The following PIKFYVE variants were observed in gnomAD, a reference collection of about 807,000 sequenced individuals.
PIKFYVE encodes the protein phosphoinositide kinase, FYVE-type zinc finger containing, also known as 1-phosphatidylinositol 3-phosphate 5-kinase.
In PIKFYVE, 122 loss-of-function variants were observed where a neutral mutation model predicts 257.9. The observed-to-expected ratio is 0.47, with a 90% confidence interval of 0.41 to 0.55. The LOEUF is 0.55. PIKFYVE is among the 20% of genes least tolerant of loss of function. The probability of loss-of-function intolerance (pLI) is 0.00; values close to 1 mark genes in which losing one functional copy is unlikely to be tolerated. For missense variants in PIKFYVE, 2,160 were observed against 2,536.6 expected (o/e 0.85, Z 3.19); for synonymous variants, 892 against 868.9 (o/e 1.03, Z -0.47).
At chr2:208,318,089 A>G (rs1695763320) in intron 16 of PIKFYVE, 148 bp downstream of exon 16, 1 of 797,108 alleles carries the variant, frequency 1.3e-6, no homozygotes, top group African/African-American at 1.7e-5. Flanking sequence ...TGGTTGGTTC[A>G]GGGAAGATTT....
chr2:208,266,585 G>A (rs972812182), intron 1 of PIKFYVE, among the ~76,000 whole-genome samples, 170 bp downstream of exon 1: 1 of 152,250 alleles, frequency 6.6e-6, no homozygotes, highest in Non-Finnish European at 1.5e-5. Flanking sequence ...TCTGGCTTTA[G>A]AATTAGCTTG....
At chr2:208,286,159 T>C (rs1044552876) in intron 6 of PIKFYVE, among the ~76,000 whole-genome samples, 6 of 152,220 alleles carry the variant, frequency 3.9e-5, no homozygotes, top group African/African-American at 1.4e-4. Context: ...TTTACATCTT[T>C]CTTGTCACTG....
intron 18 of PIKFYVE, 68 bp from the exon 19 acceptor site, chr2:208,324,843 C>A: frequency 6.4e-7 from 1 of 1,554,868 alleles, no homozygotes; most frequent in South Asian, 1.1e-5. Flanking sequence ...CATTACTTTT[C>A]CAGATTAAAT....
rs944207916 is a variant in PIKFYVE at position 208,339,609 on chromosome 2, T to C, written c.4810+54T>C. ...TCATTGTATCTAAGACTGAAAGATA[T>C]ATCATTGATTTACATGAATTACAGC... is the stretch of plus-strand genomic sequence containing the variant. On this transcript the variant is annotated intron_variant, in intron 30 of 41. Transcript: ENST00000264380. The C allele has an allele frequency of 6.3e-6, 10 of 1,592,118 alleles. No individual in the cohort carries two copies. The East Asian group carries it at 9.0e-5, about 14-fold the overall frequency.
At chr2:208,272,554 A>C (rs1223965684) in intron 2 of PIKFYVE, among the ~76,000 whole-genome samples, 2 of 152,210 alleles carry the variant, frequency 1.3e-5, no homozygotes, top group Non-Finnish European at 2.9e-5. Context: ...GCTCTTTTTA[A>C]GTAATATGTC....
At chr2:208,316,471 G>A (rs1179022926) in intron 15 of PIKFYVE, among the ~76,000 whole-genome samples, 1 of 151,844 alleles carries the variant, frequency 6.6e-6, no homozygotes. Context: ...CACAATGGTT[G>A]AACTAGTTTA....
intron 8 of PIKFYVE, among the ~76,000 whole-genome samples, chr2:208,299,244 G>A (rs778040929): frequency 1.5e-4 from 23 of 152,076 alleles, no homozygotes; most frequent in Non-Finnish European, 3.4e-4. Context: ...GATGGGTCAA[G>A]TATTCTATAC....
chr2:208,347,472 G>A (rs2125780240), intron 34 of PIKFYVE, among the ~76,000 whole-genome samples: 1 of 152,190 alleles, frequency 6.6e-6, no homozygotes, highest in African/African-American at 2.4e-5. Flanking sequence ...TGTTCATTTA[G>A]TTAACTATAT....
chr2:208,283,064 G>A (rs1691045872), intron 5 of PIKFYVE, among the ~76,000 whole-genome samples: 1 of 152,114 alleles, frequency 6.6e-6, no homozygotes, highest in Non-Finnish European at 1.5e-5. Flanking sequence ...CTCCTGCTGT[G>A]CGGCTCGGTT....
At chr2:208,334,006 G>A (rs1697850907) in intron 24 of PIKFYVE, among the ~76,000 whole-genome samples, 2 of 152,162 alleles carry the variant, frequency 1.3e-5, no homozygotes, top group South Asian at 4.1e-4. Context: ...CAGAATTTTT[G>A]CCAAGATATT....
Position 208,355,743 on chromosome 2 carries a change from T to C in PIKFYVE, c.*438T>C, listed in dbSNP as rs1351086030. 6.5e-6 allele frequency: 1 copy of C among 153,924 alleles called. No homozygotes were observed. The highest frequency in any genetic ancestry group is 2.4e-5 in the African/African-American group (1 of 41,478). The allele number at this position is 153,924 out of a possible 1,614,324, so 9.5% of individuals were successfully genotyped here. A position where few individuals can be genotyped will look rare whatever the true frequency, so the allele number is the denominator to read the frequency against. ...GAATTTGTTTTGTGTTTTTCTGTAATAATTTAATGTTACTTATTATCAGAA... is the reference window on the plus strand; with the variant it reads ...GAATTTGTTTTGTGTTTTTCTGTAACAATTTAATGTTACTTATTATCAGAA... On this transcript the variant is annotated 3_prime_UTR_variant, in exon 42 of 42. Transcript: ENST00000264380.
intron 7 of PIKFYVE, among the ~76,000 whole-genome samples, chr2:208,292,767 T>G (rs1692477732): frequency 6.6e-6 from 1 of 152,154 alleles, no homozygotes; most frequent in South Asian, 2.1e-4. Context: ...AGTGACATTT[T>G]GACCCTTCAC....
At chr2:208,307,335 G>A (rs975195107) in intron 12 of PIKFYVE, among the ~76,000 whole-genome samples, 8 of 152,110 alleles carry the variant, frequency 5.3e-5, no homozygotes, top group Non-Finnish European at 1.0e-4. Context: ...TTTCCTCCCC[G>A]CTCTTTAGAC....
chr2:208,280,173 T>G (rs985014240), intron 5 of PIKFYVE, among the ~76,000 whole-genome samples: 1 of 152,200 alleles, frequency 6.6e-6, no homozygotes, highest in African/African-American at 2.4e-5. Flanking sequence ...GTATGTTAGC[T>G]TCCTAGGTCT....
intron 19 of PIKFYVE, 84 bp from the exon 20 acceptor site, chr2:208,325,186 A>G (rs1696776446): frequency 2.6e-6 from 4 of 1,557,334 alleles, no homozygotes; most frequent in Non-Finnish European, 3.5e-6. Context: ...TCTTTTACAG[A>G]TATTAAGAGA....
Position 208,352,767 on chromosome 2 carries a change from G to T in PIKFYVE, c.5829G>T (p.Gly1943=). The T allele has an allele frequency of 2.5e-6, 4 of 1,613,364 alleles. No individual in the cohort carries two copies. The highest frequency in any genetic ancestry group is 1.1e-5 in the South Asian group (1 of 90,926). The change falls in exon 39 of 42, where the codon GGG becomes GGT. Residue 1943 remains glycine (G), a synonymous_variant. Coordinates refer to ENST00000264380, the MANE Select transcript of PIKFYVE (RefSeq NM_015040.4). ...TTGTCATGGAAAATCTTTTCTACGG[G>T]AGAAAGATGGCACAGGTAAGGGTAT... is the stretch of plus-strand genomic sequence containing the variant. The part of the protein sequence containing the change: ...DLLVMENLFY[G]RKMAQVFDLK...
In PIKFYVE at chr2:208,336,203, G is replaced by A. The variant is rs1447538272; in HGVS notation, c.4520+3G>A. The A allele has an allele frequency of 1.9e-6, 3 of 1,613,854 alleles. No individual in the cohort carries two copies. The highest frequency in any genetic ancestry group is 4.5e-5 in the East Asian group (2 of 44,864). ...GTGCTGCAAGCTTGGAATAACAGGT[G>A]TGATTTTGCAGTCTGGTTTTCTTTA... On this transcript the variant is annotated splice_donor_region_variant and intron_variant, in intron 27 of 41. Transcript: ENST00000264380.
intron 31 of PIKFYVE, among the ~76,000 whole-genome samples, chr2:208,340,525 CTTGTACAAGTT>C: frequency 1.3e-5 from 2 of 152,232 alleles, no homozygotes; most frequent in Middle Eastern, 6.8e-3. Context: ...ACTACAGTGA[CTTGTACAAGTT>C]TTCATGTGAT....
chr2:208,331,235 C>A (rs1268462653), intron 23 of PIKFYVE, among the ~76,000 whole-genome samples: 1 of 152,034 alleles, frequency 6.6e-6, no homozygotes, highest in Admixed American at 6.5e-5. Context: ...TGTTTTGTTT[C>A]TTCTTTGTGC....
Sources: gnomAD v4.1 joint callset for allele counts (sites outside exome capture counted in the v4.1 genomes callset) on GRCh38, gnomAD v4.1.1 for gene constraint, MANE v1.5 for transcripts, NCBI Gene and HGNC (gene_info 2026-07-23, HGNC 2026-07-21) for gene names.